Variants in SUGCT observed in about 807,000 individuals in gnomAD.
SUGCT encodes the protein succinyl-CoA:glutarate-CoA transferase.
A neutral mutation model predicts 55.0 loss-of-function variants in SUGCT; 41 were observed. The ratio of observed to expected loss-of-function variants is 0.74; its 90% CI spans 0.58 to 0.97. The LOEUF (loss-of-function observed/expected upper bound fraction) is 0.97. Among genes scored for constraint, SUGCT ranks in the 50% least tolerant of loss-of-function variants. The pLI is 0.00. For missense variants in SUGCT, 568 were observed against 547.8 expected (o/e 1.04, Z -0.37); for synonymous variants, 187 against 200.4 (o/e 0.93, Z 0.56).
At chr7:40,752,236 T>C (rs543839876) in intron 13 of SUGCT, among the ~76,000 whole-genome samples, 9 of 152,320 alleles carry the variant, frequency 5.9e-5, no homozygotes, top group African/African-American at 2.2e-4. Context: ...CTCCTACTCT[T>C]CTGACGGTCA....
chr7:40,502,015 T>G (rs981318692), intron 12 of SUGCT, among the ~76,000 whole-genome samples: 19 of 152,228 alleles, frequency 1.2e-4, no homozygotes, highest in African/African-American at 4.6e-4. Context: ...AAATTTCTTC[T>G]TAATGACTAA....
chr7:40,836,666 T>C (rs571041334), intron 13 of SUGCT, among the ~76,000 whole-genome samples: 20 of 152,194 alleles, frequency 1.3e-4, no homozygotes, highest in Non-Finnish European at 2.5e-4. Context: ...TCTCTATAAT[T>C]TTCTTATTTC....
chr7:40,930,352 C>G, the SUGCT span, among the ~76,000 whole-genome samples: 5 of 152,118 alleles, frequency 3.3e-5, no homozygotes, highest in African/African-American at 1.2e-4. Flanking sequence ...AGTTAAGTAG[C>G]GTGATGCCTC....
intron 13 of SUGCT, among the ~76,000 whole-genome samples, chr7:40,846,783 G>A (rs1286960803): frequency 6.6e-6 from 1 of 152,110 alleles, no homozygotes; most frequent in Non-Finnish European, 1.5e-5. Flanking sequence ...CAGTGTTAAC[G>A]AGCACGCACT....
chr7:40,135,101 G>T lies in SUGCT; in HGVS notation c.81G>T (p.Trp27Cys). 6.4e-7 allele frequency: 1 copy of T among 1,557,242 alleles called. No homozygotes were observed. Among genetic ancestry groups the T allele is most frequent in the Non-Finnish European group, 8.7e-7 (1 of 1,151,640 alleles). The change falls in exon 1 of 14, where the codon TGG (tryptophan) becomes TGT (cysteine). Residue 27 changes from tryptophan (W) to cysteine (C), a missense_variant. Trp to Cys is a radical substitution (Grantham distance 215, BLOSUM62 -2). Transcript: ENST00000335693. ...GCCGGGGCGGCGGGAGGGGGCTGTG[G>T]ACTGGCCGCCCGCAGTCAGGTACCC... ...FSGRGGGRGLWTGRPQSDMNN... is the reference protein window; with the variant it reads ...FSGRGGGRGLCTGRPQSDMNN...
At chr7:40,772,578 G>GCTATCTATCTATCTATCTAT (rs70990645) in intron 13 of SUGCT, among the ~76,000 whole-genome samples, 11 of 103,980 alleles carry the variant, frequency 1.1e-4, no homozygotes, top group Non-Finnish European at 1.9e-4. Context: ...TTATCTATCT[G>GCTATCTATCTATCTATCTAT]CTATCTATCT....
intron 12 of SUGCT, among the ~76,000 whole-genome samples, chr7:40,509,868 G>C (rs1288618267): frequency 6.6e-6 from 1 of 152,180 alleles, no homozygotes; most frequent in East Asian, 1.9e-4. Flanking sequence ...TTAGAGCTGT[G>C]TTCAGTGGGA....
chr7:40,169,031 T>A (rs1215507482), intron 1 of SUGCT, among the ~76,000 whole-genome samples: 2 of 152,202 alleles, frequency 1.3e-5, no homozygotes, highest in Non-Finnish European at 2.9e-5. Context: ...AATGGCTTCC[T>A]GATATTTGAT....
the SUGCT span, among the ~76,000 whole-genome samples, chr7:40,893,534 T>G: frequency 6.6e-6 from 1 of 152,022 alleles, no homozygotes; most frequent in Non-Finnish European, 1.5e-5. Context: ...GAAAACAATA[T>G]CATGAGGAAT....
intron 9 of SUGCT, 22 bp downstream of exon 9, chr7:40,316,877 G>T (rs778785856): frequency 1.5e-6 from 2 of 1,311,568 alleles, no homozygotes; most frequent in Admixed American, 2.4e-5. Context: ...GCAGTCTAGG[G>T]TTGGGCTGTT....
chr7:40,915,444 A>G, the SUGCT span, among the ~76,000 whole-genome samples: 5 of 152,202 alleles, frequency 3.3e-5, no homozygotes, highest in Non-Finnish European at 1.5e-5. Context: ...ATTGTCTATG[A>G]ATGTTTAGTC....
chr7:40,671,449 A>G (rs1170716179), intron 12 of SUGCT, among the ~76,000 whole-genome samples: 1 of 152,208 alleles, frequency 6.6e-6, no homozygotes, highest in Non-Finnish European at 1.5e-5. Context: ...AGAAAATAAA[A>G]TGGTCTTTGT....
intron 1 of SUGCT, 39 bp from the exon 2 acceptor site, chr7:40,180,908 C>T (rs2036041): frequency 2.1e-6 from 3 of 1,437,222 alleles, no homozygotes; most frequent in African/African-American, 2.8e-5. Flanking sequence ...AAGAAAATTA[C>T]TAATGAATTA....
chr7:40,916,539 A>G, the SUGCT span, among the ~76,000 whole-genome samples: 4 of 152,230 alleles, frequency 2.6e-5, no homozygotes, highest in African/African-American at 9.6e-5. Flanking sequence ...AGATAAACTG[A>G]ATCCTGATAA....
chr7:40,201,162 G>A (rs922330083), intron 6 of SUGCT, among the ~76,000 whole-genome samples: 1 of 152,054 alleles, frequency 6.6e-6, no homozygotes, highest in African/African-American at 2.4e-5. Context: ...AGACTAGAGA[G>A]AGGGAAAATA....
intron 13 of SUGCT, among the ~76,000 whole-genome samples, chr7:40,770,411 T>A (rs1428493785): frequency 6.6e-6 from 1 of 152,086 alleles, no homozygotes; most frequent in African/African-American, 2.4e-5. Context: ...CCACCTTCCC[T>A]GGAAGGTGGT....
chr7:40,215,773 A>G (rs1194583662), intron 6 of SUGCT, among the ~76,000 whole-genome samples: 2 of 151,696 alleles, frequency 1.3e-5, no homozygotes, highest in African/African-American at 4.8e-5. Flanking sequence ...GAGGCAGGAG[A>G]ATGGTGTGAA....
chr7:40,304,456 C>G (rs1422781780), intron 8 of SUGCT, among the ~76,000 whole-genome samples: 5 of 149,668 alleles, frequency 3.3e-5, no homozygotes, highest in Non-Finnish European at 5.9e-5. Flanking sequence ...TTTTATTTCA[C>G]TAGGTTTTGG....
chr7:40,319,886 G>GA (rs1266816942), intron 9 of SUGCT, among the ~76,000 whole-genome samples: 1 of 152,052 alleles, frequency 6.6e-6, no homozygotes, highest in Non-Finnish European at 1.5e-5. Context: ...GCAGTGGTGT[G>GA]ATCATAGCTT....
Sources: allele counts gnomAD v4.1 joint callset (sites outside exome capture counted in the v4.1 genomes callset), GRCh38; gene constraint gnomAD v4.1.1; transcripts MANE v1.5; gene names NCBI Gene and HGNC (gene_info 2026-07-23, HGNC 2026-07-21).